OPCML: variants seen among roughly 807,000 people sequenced by gnomAD.
OPCML encodes opioid-binding protein/cell adhesion molecule.
A neutral mutation model predicts 37.8 loss-of-function variants in OPCML; 13 were observed. The ratio of observed to expected loss-of-function variants is 0.34; its 90% CI spans 0.22 to 0.55. OPCML has a LOEUF of 0.55. Among genes scored for constraint, OPCML ranks in the 20% least tolerant of loss-of-function variants. The pLI, the probability that OPCML is intolerant of heterozygous loss-of-function variation, is 0.91. For missense variants in OPCML, 341 were observed against 435.6 expected (o/e 0.78, Z 1.93); for synonymous variants, 176 against 168.8 (o/e 1.04, Z -0.33).
chr11:133,098,590 A>T (rs1406613741), intron 1 of OPCML, among the ~76,000 whole-genome samples: 1 of 152,156 alleles, frequency 6.6e-6, no homozygotes, highest in African/African-American at 2.4e-5. Context: ...TCACACAATC[A>T]TATCAATAGA....
intron 1 of OPCML, among the ~76,000 whole-genome samples, chr11:133,187,545 C>T (rs1938136757): frequency 6.6e-6 from 1 of 152,062 alleles, no homozygotes. Flanking sequence ...CTCCTCAGAT[C>T]CAACCCCTGC....
At chr11:133,060,585 G>C (rs994174649) in intron 1 of OPCML, among the ~76,000 whole-genome samples, 1 of 152,198 alleles carries the variant, frequency 6.6e-6, no homozygotes, top group Non-Finnish European at 1.5e-5. Flanking sequence ...CAGCCACCAG[G>C]CCTTGGCTCC....
At chr11:132,808,604 G>C (rs1050411096) in intron 2 of OPCML, among the ~76,000 whole-genome samples, 1 of 152,120 alleles carries the variant, frequency 6.6e-6, no homozygotes, top group Non-Finnish European at 1.5e-5. Context: ...CACTTTCCTA[G>C]TTAGTGTAAA....
chr11:133,059,581 C>T (rs1948302465), intron 1 of OPCML, among the ~76,000 whole-genome samples: 1 of 152,192 alleles, frequency 6.6e-6, no homozygotes, highest in Non-Finnish European at 1.5e-5. Context: ...CCTCATTAAA[C>T]AAAGAAACAC....
intron 2 of OPCML, among the ~76,000 whole-genome samples, chr11:132,926,167 C>T (rs1944982298): frequency 6.6e-6 from 1 of 152,160 alleles, no homozygotes; most frequent in African/African-American, 2.4e-5. Flanking sequence ...TTCTTCAGAG[C>T]ACTCATCACT....
chr11:132,755,431 T>A (rs1240470934), intron 2 of OPCML, among the ~76,000 whole-genome samples: 1 of 152,190 alleles, frequency 6.6e-6, no homozygotes, highest in African/African-American at 2.4e-5. Flanking sequence ...TTAAAACATG[T>A]ATTTTACACC....
At chr11:133,106,482 A>G (rs1949159327) in intron 1 of OPCML, among the ~76,000 whole-genome samples, 1 of 152,254 alleles carries the variant, frequency 6.6e-6, no homozygotes, top group Non-Finnish European at 1.5e-5. Flanking sequence ...TTTTATGCAC[A>G]TCGCATCCTT....
intron 1 of OPCML, among the ~76,000 whole-genome samples, chr11:133,354,220 C>G (rs377724339): frequency 3.4e-3 from 2 of 584 alleles, no homozygotes; most frequent in Admixed American, 0.017. Flanking sequence ...GGTGATGATG[C>G]TGGTGCTGGT....
chr11:132,534,027 A>G lies in OPCML; in HGVS notation c.380-4841T>C, dbSNP rs543286944. Among the ~76,000 whole-genome samples the G allele has an allele frequency of 1.2e-4, 18 of 152,304 alleles. 1 individual carries two copies. The South Asian group carries it at 3.7e-3, about 32-fold the overall frequency. ...CCCTATAAACATAATGTATGAGTGCATGGGTTTCTAAATTCAGCATCTTTT... is the reference window on the plus strand; with the variant it reads ...CCCTATAAACATAATGTATGAGTGCGTGGGTTTCTAAATTCAGCATCTTTT... On this transcript the variant is annotated intron_variant, in intron 3 of 7. Transcript: ENST00000524381.
chr11:132,858,171 T>C (rs752453267), intron 2 of OPCML, among the ~76,000 whole-genome samples: 9 of 152,236 alleles, frequency 5.9e-5, no homozygotes, highest in Non-Finnish European at 2.9e-5. Flanking sequence ...AATGCAGTAC[T>C]GTACACATGA....
At position 132,418,231 on chromosome 11, in the gene OPCML, T is replaced by C. The variant is rs2095945211; in HGVS notation, c.*1962A>G. ...TTTTTAGACTGAGGGCCTGAAAAGG[T>C]TTTCCAACTGAGGCAGGGCAGGTCT... On this transcript the variant is annotated 3_prime_UTR_variant, in exon 8 of 8. Coordinates refer to ENST00000524381, the MANE Select transcript of OPCML (RefSeq NM_001012393.5). 6.6e-6 allele frequency: 1 copy of C among 152,076 alleles called. No individual in the cohort carries two copies. The highest frequency in any genetic ancestry group is 2.4e-5 in the African/African-American group (1 of 41,400). The allele number at this position is 152,076 out of a possible 1,614,324, so 9.4% of individuals were successfully genotyped here.
At chr11:133,414,064 G>A (rs1027766720) in intron 1 of OPCML, among the ~76,000 whole-genome samples, 6 of 152,106 alleles carry the variant, frequency 3.9e-5, no homozygotes, top group African/African-American at 7.2e-5. Context: ...AAATACAAGC[G>A]TTTACAGTCA....
chr11:132,687,036 T>C (rs925085081), intron 2 of OPCML, among the ~76,000 whole-genome samples: 16 of 149,850 alleles, frequency 1.1e-4, no homozygotes, highest in African/African-American at 3.9e-4. Flanking sequence ...TCACACAATA[T>C]TGTAGGGTCA....
intron 3 of OPCML, among the ~76,000 whole-genome samples, chr11:132,615,031 T>A (rs1229519604): frequency 6.6e-6 from 1 of 152,234 alleles, no homozygotes; most frequent in Non-Finnish European, 1.5e-5. Context: ...CACATGTATT[T>A]TATTCTACCT....
chr11:133,503,506 T>C (rs1947961236), intron 1 of OPCML, among the ~76,000 whole-genome samples: 1 of 152,256 alleles, frequency 6.6e-6, no homozygotes, highest in African/African-American at 2.4e-5. Flanking sequence ...CTAATTGCTC[T>C]ACAGAGTGTG....
intron 3 of OPCML, among the ~76,000 whole-genome samples, chr11:132,566,335 G>A (rs963280642): frequency 1.3e-5 from 2 of 152,170 alleles, no homozygotes; most frequent in African/African-American, 4.8e-5. Context: ...TTGGCTTTAT[G>A]AGCACAACAT....
In OPCML at chr11:132,943,139, G is replaced by A. The variant is rs374182471; in HGVS notation, c.62-129C>T. On this transcript the variant is annotated intron_variant, in intron 1 of 7. Coordinates refer to ENST00000524381, the MANE Select transcript of OPCML (RefSeq NM_001012393.5). This position sits in a 1 kb window ranked among gnomAD's most constrained non-coding sequence, Gnocchi z 4.3. ...AGGACTCCGGCAGCCGCACAGTCCTGGTCCCCCGCCCCGCGCACCAGCGGG... is the reference window on the plus strand; with the variant it reads ...AGGACTCCGGCAGCCGCACAGTCCTAGTCCCCCGCCCCGCGCACCAGCGGG... The A allele has an allele frequency of 1.6e-4, 261 of 1,607,266 alleles. 1 individual carries two copies. The African/African-American group carries it at 3.1e-3, about 19-fold the overall frequency.
chr11:132,503,999 T>C (rs1004188955), intron 4 of OPCML, among the ~76,000 whole-genome samples: 3 of 152,162 alleles, frequency 2.0e-5, no homozygotes, highest in Admixed American at 2.0e-4. Flanking sequence ...AGGAGAGATA[T>C]CTGCTTCAAA....
intron 1 of OPCML, among the ~76,000 whole-genome samples, chr11:133,484,020 G>A (rs1947463812): frequency 6.9e-6 from 1 of 144,406 alleles, no homozygotes; most frequent in Non-Finnish European, 1.5e-5. Context: ...TAGACAAATA[G>A]ATGGACAGAT....
Sources: allele counts gnomAD v4.1 joint callset (sites outside exome capture counted in the v4.1 genomes callset), GRCh38; gene constraint gnomAD v4.1.1; non-coding constraint Gnocchi (gnomAD v3.1); transcripts MANE v1.5; gene names NCBI Gene and HGNC (gene_info 2026-07-23, HGNC 2026-07-21).